GRM7: variants seen among roughly 807,000 people sequenced by gnomAD.
GRM7 encodes the protein glutamate metabotropic receptor 7, also known as metabotropic glutamate receptor 7.
Under a neutral mutation model 84.5 loss-of-function variants are expected in GRM7, and 35 were observed. The ratio of observed to expected loss-of-function variants is 0.41; its 90% CI spans 0.32 to 0.55. The LOEUF (loss-of-function observed/expected upper bound fraction) is 0.55, where lower values mean the gene tolerates loss of function less well. Ranked by LOEUF, GRM7 falls within the 20% of genes least tolerant of loss-of-function variation. The pLI is 0.19. For synonymous variants in GRM7, 487 were observed against 455.1 expected (o/e 1.07, Z -0.89); for missense variants, 1,003 against 1,194.6 (o/e 0.84, Z 2.36).
At chr3:7,113,725 T>G (rs1447761246) in intron 1 of GRM7, among the ~76,000 whole-genome samples, 1 of 152,186 alleles carries the variant, frequency 6.6e-6, no homozygotes, top group Non-Finnish European at 1.5e-5. Flanking sequence ...GTAGATGGTA[T>G]AAGATGTGAT....
chr3:6,949,695 A>G lies in GRM7; in HGVS notation c.519+87788A>G, dbSNP rs185648936. Among the ~76,000 whole-genome samples, 433 of 152,200 alleles carry G rather than the reference A, an allele frequency of 2.8e-3. 2 individuals carry two copies. Among genetic ancestry groups the G allele is most frequent in the African/African-American group, 9.6e-3 (398 of 41,512 alleles). On this transcript the variant is annotated intron_variant, in intron 1 of 9. Transcript: ENST00000357716. ...CTCCCTGTCACTTTCAGGTACACCAATCAGACGTAGATTTGGTCTTTTCAC... is the reference window on the plus strand; with the variant it reads ...CTCCCTGTCACTTTCAGGTACACCAGTCAGACGTAGATTTGGTCTTTTCAC...
At chr3:6,999,698 G>A (rs1166272965) in intron 1 of GRM7, among the ~76,000 whole-genome samples, 1 of 152,154 alleles carries the variant, frequency 6.6e-6, no homozygotes, top group African/African-American at 2.4e-5. Context: ...TCTTCACGTG[G>A]CAGCAGCAAG....
intron 4 of GRM7, among the ~76,000 whole-genome samples, chr3:7,391,454 C>G (rs1390573515): frequency 3.3e-5 from 5 of 152,048 alleles, no homozygotes; most frequent in Non-Finnish European, 7.3e-5. Flanking sequence ...CAAACTATCA[C>G]AAGGACAGAA....
rs563454878 is a variant in GRM7, at chr3:7,563,381, C to G, written c.1516-15041C>G. 3.7e-4 allele frequency among the ~76,000 whole-genome samples: 56 copies of G among 152,118 alleles called. No individual in the cohort carries two copies. The South Asian group carries it at 0.011, about 30-fold the overall frequency. On this transcript the variant is annotated intron_variant, in intron 7 of 9. Coordinates refer to ENST00000357716, the MANE Select transcript of GRM7 (RefSeq NM_000844.4). ...GTTCTTTCTTAGGATAGAATCTGCC[C>G]CAGGTTCCATATTACTTTTCAGCTC...
chr3:7,255,851 TTCTG>T (rs1435665669), intron 2 of GRM7, among the ~76,000 whole-genome samples: 5 of 152,210 alleles, frequency 3.3e-5, no homozygotes, highest in Non-Finnish European at 7.3e-5. Context: ...CCTCAGGAGT[TTCTG>T]TCTATCTACT....
At chr3:6,884,834 G>T (rs753973403) in intron 1 of GRM7, among the ~76,000 whole-genome samples, 1 of 151,870 alleles carries the variant, frequency 6.6e-6, no homozygotes, top group Non-Finnish European at 1.5e-5. Context: ...TCCTGACCTC[G>T]TGATCCACCC....
At chr3:7,121,381 C>G (rs545477931) in intron 1 of GRM7, among the ~76,000 whole-genome samples, 12 of 143,434 alleles carry the variant, frequency 8.4e-5, no homozygotes, top group Admixed American at 4.9e-4. Flanking sequence ...ATCCATCCAT[C>G]CCCTCTATTC....
intron 1 of GRM7, among the ~76,000 whole-genome samples, chr3:6,953,935 A>T (rs1692905419): frequency 6.6e-6 from 1 of 152,056 alleles, no homozygotes. Context: ...AAAGCAATTC[A>T]TAATCAAAGC....
intron 1 of GRM7, among the ~76,000 whole-genome samples, chr3:7,139,606 CAAGGAAATA>C (rs1336758581): frequency 6.6e-6 from 1 of 151,836 alleles, no homozygotes; most frequent in Non-Finnish European, 1.5e-5. Context: ...AAATTATCTT[CAAGGAAATA>C]AATACATTTT....
intron 6 of GRM7, among the ~76,000 whole-genome samples, chr3:7,455,354 GCCCTCAAAGTA>G (rs1697961665): frequency 1.3e-5 from 2 of 152,060 alleles, no homozygotes; most frequent in South Asian, 4.1e-4. Context: ...TATTTGCATA[GCCCTCAAAGTA>G]CCTTTCACCA....
At chr3:7,250,526 A>G (rs1249772958) in intron 2 of GRM7, among the ~76,000 whole-genome samples, 6 of 121,014 alleles carry the variant, frequency 5.0e-5, no homozygotes, top group South Asian at 6.3e-4. Flanking sequence ...TTTATTTATT[A>G]TTTGGAAAAA....
chr3:7,654,405 C>T (rs1474044330), intron 8 of GRM7, among the ~76,000 whole-genome samples: 3 of 152,106 alleles, frequency 2.0e-5, no homozygotes, highest in African/African-American at 7.3e-5. Flanking sequence ...GCATCACCCA[C>T]TCCAGTCACC....
At chr3:6,966,009 G>C (rs972295027) in intron 1 of GRM7, among the ~76,000 whole-genome samples, 2 of 152,170 alleles carry the variant, frequency 1.3e-5, no homozygotes, top group African/African-American at 2.4e-5. Context: ...TGATCTGAAA[G>C]ATTTTCAGAT....
rs148560287 is a variant in GRM7 at position 7,251,894 on chromosome 3, T to C, written c.737-46790T>C. Among the ~76,000 whole-genome samples, 4 of 152,338 alleles carry C rather than the reference T, an allele frequency of 2.6e-5. No homozygotes were observed. The East Asian group carries it at 7.7e-4, about 29-fold the overall frequency. On this transcript the variant is annotated intron_variant, in intron 2 of 9. Coordinates refer to ENST00000357716, the MANE Select transcript of GRM7 (RefSeq NM_000844.4). ...AATTATCAAAGATAGTTATTACTAT[T>C]CCATTTTTGTTGCTGGAAATGAGGC...
chr3:7,673,958 G>T (rs1486994056), intron 8 of GRM7, among the ~76,000 whole-genome samples: 1 of 152,124 alleles, frequency 6.6e-6, no homozygotes, highest in Non-Finnish European at 1.5e-5. Flanking sequence ...AGCAGACCAG[G>T]TTAAGTACTG....
intron 2 of GRM7, among the ~76,000 whole-genome samples, chr3:7,287,057 C>G (rs1488542145): frequency 6.6e-6 from 1 of 152,108 alleles, no homozygotes; most frequent in Non-Finnish European, 1.5e-5. Flanking sequence ...AGAAAAATTG[C>G]TCCCCTTCCA....
Position 7,259,988 on chromosome 3 carries a change from G to T in GRM7, c.737-38696G>T, listed in dbSNP as rs1377728159. Among the ~76,000 whole-genome samples, 3 of 87,916 alleles carry T rather than the reference G, an allele frequency of 3.4e-5. No individual in the cohort carries two copies. The East Asian group carries it at 1.1e-3, about 31-fold the overall frequency. 57.7% of individuals were successfully genotyped at this position (87,916 alleles called of 152,430 possible). A position where few individuals can be genotyped will look rare whatever the true frequency, so the allele number is the denominator to read the frequency against. Reference sequence around the variant, plus strand: ...TTTGACGTTTTAATAATAGCCATCTGGGTGGGTGTGAGATGATATTTCATT... The same window carrying T: ...TTTGACGTTTTAATAATAGCCATCTTGGTGGGTGTGAGATGATATTTCATT... On this transcript the variant is annotated intron_variant, in intron 2 of 9. Transcript: ENST00000357716.
chr3:7,351,356 AAAAAAAAC>A (rs1693136295), intron 4 of GRM7, among the ~76,000 whole-genome samples: 1 of 150,826 alleles, frequency 6.6e-6, no homozygotes, highest in African/African-American at 2.5e-5. Flanking sequence ...AAAAAAAAAA[AAAAAAAAC>A]AACTGACTTA....
chr3:6,894,156 A>G (rs1696080906), intron 1 of GRM7: 1 of 152,190 alleles, frequency 6.6e-6, no homozygotes, highest in East Asian at 1.9e-4. Flanking sequence ...TCAATAGCAG[A>G]TAGTGATCCT....
Sources: gnomAD v4.1 joint callset for allele counts (sites outside exome capture counted in the v4.1 genomes callset) on GRCh38, gnomAD v4.1.1 for gene constraint, MANE v1.5 for transcripts, NCBI Gene and HGNC (gene_info 2026-07-23, HGNC 2026-07-21) for gene names.